The following CCNB2 variants were observed in gnomAD, a reference collection of about 807,000 sequenced individuals.
CCNB2 encodes the protein cyclin B2.
Under a neutral mutation model 51.1 loss-of-function variants are expected in CCNB2, and 39 were observed. That is an observed-to-expected ratio of 0.76 (90% confidence interval 0.59 to 1.00). The LOEUF is 1.00. CCNB2 is among the 50% of genes least tolerant of loss of function. CCNB2 has a pLI of 0.00. For synonymous variants in CCNB2, 174 were observed against 165.5 expected (o/e 1.05, Z -0.40); for missense variants, 472 against 470.3 (o/e 1.00, Z -0.03).
chr15:59,124,689 G>A, intron 8 of CCNB2, 78 bp from the exon 9 acceptor site: 3 of 984,462 alleles, frequency 3.0e-6, no homozygotes, highest in Non-Finnish European at 4.8e-6. Flanking sequence ...GTGGACCTTT[G>A]ATAATTGTGA....
chr15:59,119,460 C>CAAA (rs370628686), intron 7 of CCNB2, among the ~76,000 whole-genome samples: 29,202 of 83,126 alleles, frequency 0.35, 3,739 homozygotes, highest in East Asian at 0.49. Flanking sequence ...ACCCTGTCTC[C>CAAA]AAAAAAAAAA....
chr15:59,114,398 T>G, intron 3 of CCNB2, 46 bp from the exon 4 acceptor site: 1 of 1,462,648 alleles, frequency 6.8e-7, no homozygotes, highest in South Asian at 1.4e-5. Context: ...CTGCATGTAT[T>G]TATGGTTAAG....
In CCNB2 at chr15:59,114,629, G is replaced by A. The variant is rs754691646; in HGVS notation, c.438+15G>A. On this transcript the variant is annotated intron_variant, in intron 4 of 8. Coordinates refer to ENST00000288207, the MANE Select transcript of CCNB2 (RefSeq NM_004701.4). ...GGCAGCTGGAGGTAGGTGGGCCTTT[G>A]TGTTTTGGTTGTATAAGCAATGTGG... 6.3e-7 allele frequency: 1 copy of A among 1,586,524 alleles called. No individual in the cohort carries two copies. Among genetic ancestry groups the A allele is most frequent in the African/African-American group, 1.3e-5 (1 of 74,190 alleles).
intron 5 of CCNB2, among the ~76,000 whole-genome samples, chr15:59,115,088 G>A (rs1478469523): frequency 6.6e-6 from 1 of 152,224 alleles, no homozygotes; most frequent in African/African-American, 2.4e-5. Context: ...TGTAAGGCCA[G>A]CCAGCTAAAA....
chr15:59,122,262 T>TTTTTTTTTTTTC, intron 7 of CCNB2, among the ~76,000 whole-genome samples: 1 of 141,928 alleles, frequency 7.0e-6, no homozygotes, highest in African/African-American at 2.6e-5. Context: ...TTTTTTTTTT[T>TTTTTTTTTTTTC]TTTTGAGACA....
chr15:59,110,210 C>T (rs1166419657), intron 3 of CCNB2, among the ~76,000 whole-genome samples: 1 of 152,094 alleles, frequency 6.6e-6, no homozygotes, highest in African/African-American at 2.4e-5. Context: ...CCTTGGCTGA[C>T]TCCTTTTTCT....
chr15:59,121,931 C>CA (rs3052992), intron 7 of CCNB2, among the ~76,000 whole-genome samples: 1,713 of 14,040 alleles, frequency 0.12, 338 homozygotes, highest in Non-Finnish European at 0.17. Context: ...GACTCTGTCT[C>CA]AAAAAAAAAA....
At chr15:59,117,030 G>A in intron 6 of CCNB2, 104 bp downstream of exon 6, 1 of 1,073,730 alleles carries the variant, frequency 9.3e-7, no homozygotes, top group African/African-American at 1.6e-5. Flanking sequence ...CTTCCTTTAG[G>A]TAAGTCTTAA....
intron 8 of CCNB2, 68 bp downstream of exon 8, chr15:59,123,695 G>T (rs1368313228): frequency 5.3e-6 from 4 of 758,948 alleles, no homozygotes; most frequent in Non-Finnish European, 9.0e-6. Flanking sequence ...ATGTTGGGCG[G>T]GGGGGGGCGG....
At chr15:59,111,685 A>G (rs1460775953) in intron 3 of CCNB2, among the ~76,000 whole-genome samples, 2 of 151,972 alleles carry the variant, frequency 1.3e-5, no homozygotes. Context: ...GACATCTCAA[A>G]TCAATTTGCA....
In CCNB2 at chr15:59,117,374, T is replaced by G; in HGVS notation, c.975+6T>G. ...TTCTAGGACAAGGAAAATGGGTGAG[T>G]GGTGGATTTAAGAAGAAACTAATTA... is the stretch of plus-strand genomic sequence containing the variant. On this transcript the variant is annotated splice_donor_region_variant and intron_variant, in intron 7 of 8. Transcript: ENST00000288207. 6.2e-7 allele frequency: 1 copy of G among 1,611,586 alleles called. No homozygotes were observed. Among genetic ancestry groups the G allele is most frequent in the Non-Finnish European group, 8.5e-7 (1 of 1,178,296 alleles).
At position 59,112,644 on chromosome 15, in the gene CCNB2, C is replaced by T. The variant is rs1394926675; in HGVS notation, c.268-1800C>T. 3.9e-5 allele frequency among the ~76,000 whole-genome samples: 6 copies of T among 151,982 alleles called. 1 individual carries two copies. The highest frequency in any genetic ancestry group is 4.2e-4 in the South Asian group (2 of 4,816). ...ATAGGCGTGAGCCACCAGGCCTGGC[C>T]GCCTCCTCTTTTTAAAAAATATTTT... On this transcript the variant is annotated intron_variant, in intron 3 of 8. Coordinates refer to ENST00000288207, the MANE Select transcript of CCNB2 (RefSeq NM_004701.4).
intron 5 of CCNB2, among the ~76,000 whole-genome samples, chr15:59,116,379 A>G (rs1437228427): frequency 6.6e-6 from 1 of 152,204 alleles, no homozygotes; most frequent in African/African-American, 2.4e-5. Flanking sequence ...TGGCAATTGA[A>G]TGATCTTGGC....
At chr15:59,109,677 C>G (rs28383513) in intron 3 of CCNB2, among the ~76,000 whole-genome samples, 6,480 of 152,270 alleles carry the variant, frequency 0.043, 304 homozygotes, top group African/African-American at 0.11. Context: ...GATTGACTTT[C>G]ATTTTCTTCC....
intron 7 of CCNB2, 67 bp downstream of exon 7, chr15:59,117,435 T>G: frequency 7.4e-6 from 11 of 1,479,376 alleles, no homozygotes; most frequent in Non-Finnish European, 9.3e-6. Flanking sequence ...CAAAAGGCCT[T>G]AGCATTTTTA....
intron 7 of CCNB2, among the ~76,000 whole-genome samples, chr15:59,120,481 G>C (rs565045931): frequency 7.9e-5 from 12 of 152,180 alleles, no homozygotes; most frequent in Non-Finnish European, 1.3e-4. Flanking sequence ...GAAGGAGGGA[G>C]ATAGGAACTG....
At chr15:59,117,517 G>A (rs956164763) in intron 7 of CCNB2, 149 bp downstream of exon 7, 12 of 785,494 alleles carry the variant, frequency 1.5e-5, no homozygotes, top group Non-Finnish European at 2.4e-5. Context: ...CACGTAGGCT[G>A]GAGTGTGGTG....
rs146994389 is a variant in CCNB2, at chr15:59,116,674, A to G, written c.598-16A>G. Reference sequence around the variant, plus strand: ...TCTTGTTAGGTGTGACTTTTGTTACATTAATTTTCCATTAGGTTCAGCCAG... The same window carrying G: ...TCTTGTTAGGTGTGACTTTTGTTACGTTAATTTTCCATTAGGTTCAGCCAG... On this transcript the variant is annotated splice_polypyrimidine_tract_variant and intron_variant, in intron 5 of 8. Transcript: ENST00000288207. The G allele has an allele frequency of 5.2e-5, 82 of 1,575,906 alleles. No individual in the cohort carries two copies. Among genetic ancestry groups the G allele is most frequent in the Non-Finnish European group, 7.1e-5 (81 of 1,148,490 alleles).
chr15:59,117,920 C>T (rs28383546), intron 7 of CCNB2, among the ~76,000 whole-genome samples: 7,479 of 152,216 alleles, frequency 0.049, 433 homozygotes, highest in African/African-American at 0.14. Flanking sequence ...CTGGGGAACA[C>T]AGAGAGACCC....
Sources: allele counts gnomAD v4.1 joint callset (sites outside exome capture counted in the v4.1 genomes callset), GRCh38; gene constraint gnomAD v4.1.1; transcripts MANE v1.5; gene names NCBI Gene and HGNC (gene_info 2026-07-23, HGNC 2026-07-21).